The following CCDC88B variants were observed in gnomAD, a reference collection of about 807,000 sequenced individuals.
CCDC88B encodes coiled-coil domain-containing protein 88B.
A neutral mutation model predicts 183.7 loss-of-function variants in CCDC88B; 138 were observed. The observed-to-expected ratio is 0.75, with a 90% CI of 0.65 to 0.87. The LOEUF is 0.87. Ranked by LOEUF, CCDC88B falls within the 40% of genes least tolerant of loss-of-function variation. The pLI is 0.00. For synonymous variants in CCDC88B, 835 were observed against 867.5 expected, an observed-to-expected ratio of 0.96 and a Z score of 0.66; for missense variants, 1,822 against 1,965.6, an observed-to-expected ratio of 0.93 and a Z score of 1.38.
Position 64,349,466 on chromosome 11 carries a change from C to T in CCDC88B, c.2744+8C>T. 6 of 1,575,800 alleles carry T rather than the reference C, an allele frequency of 3.8e-6. No homozygotes were observed. Among genetic ancestry groups the T allele is most frequent in the Non-Finnish European group, 5.1e-6 (6 of 1,165,120 alleles). On this transcript the variant is annotated splice_region_variant and intron_variant, in intron 15 of 26. Coordinates refer to ENST00000356786, the MANE Select transcript of CCDC88B (RefSeq NM_032251.6). ...GGAAAGCCAGCACCAGAGGTGGGGA[C>T]AGGGCTGAGGGGAAGAATGAGGGAG... is the stretch of plus-strand genomic sequence containing the variant.
chr11:64,351,338 G>A, intron 17 of CCDC88B, 83 bp downstream of exon 17: 3 of 1,499,256 alleles, frequency 2.0e-6, no homozygotes, highest in South Asian at 1.3e-5. Flanking sequence ...GGGCTGGGGG[G>A]TATCCCGTGC....
intron 14 of CCDC88B, among the ~76,000 whole-genome samples, chr11:64,348,258 C>G (rs1338544431): frequency 7.0e-6 from 1 of 142,568 alleles, no homozygotes; most frequent in Non-Finnish European, 1.5e-5. Context: ...AAGCTAGGGA[C>G]AAAGGGGGAA....
chr11:64,355,327 TG>T lies in CCDC88B; in HGVS notation c.4237del (p.Asp1413ThrfsTer196). On this transcript the variant is annotated frameshift_variant, in exon 25 of 27. Transcript: ENST00000356786. LOFTEE classifies it high-confidence loss of function. ...GGCGAAGCTCTGAGTCATTCAGCCC[TG>T]GGGACACCCCTAGGCAACGATTCCG... is the stretch of plus-strand genomic sequence containing the variant. The part of the protein sequence containing the change: ...VGRSSESFSP[G>X]DTPRQRFRQR... 1.3e-6 allele frequency: 2 copies of T among 1,595,948 alleles called. No individual in the cohort carries two copies. The highest frequency in any genetic ancestry group is 1.8e-5 in the Admixed American group (1 of 56,614).
Position 64,342,063 on chromosome 11 carries a change from G to A in CCDC88B, c.745G>A (p.Ala249Thr), listed in dbSNP as rs1339994343. The A allele has an allele frequency of 6.2e-7, 1 of 1,611,766 alleles. No individual in the cohort carries two copies. The highest frequency in any genetic ancestry group is 1.3e-5 in the African/African-American group (1 of 74,846). The change falls in exon 8 of 27, where the codon GCC becomes ACC. Residue 249 changes from alanine (A) to threonine (T), a missense_variant. By Grantham distance (58) the Ala-to-Thr change is moderately conservative. Transcript: ENST00000356786. ...LRPEAPSRAP[A>T]EGPSHHLALQ... Reference sequence around the variant, plus strand: ...GCCTGAGGCTCCCTCTAGGGCTCCCGCCGAGGGCCCCTCGCACCATCTGGC... The same window carrying A: ...GCCTGAGGCTCCCTCTAGGGCTCCCACCGAGGGCCCCTCGCACCATCTGGC...
At chr11:64,354,574 C>T (rs2036466959) in intron 24 of CCDC88B, among the ~76,000 whole-genome samples, 1 of 151,894 alleles carries the variant, frequency 6.6e-6, no homozygotes, top group Non-Finnish European at 1.5e-5. Context: ...CACTCATTTG[C>T]CTGGCTTCTC....
In CCDC88B at chr11:64,345,108, A is replaced by G; in HGVS notation, c.2567A>G (p.His856Arg). 6.4e-7 allele frequency: 1 copy of G among 1,551,210 alleles called. No homozygotes were observed. Among genetic ancestry groups the G allele is most frequent in the Non-Finnish European group, 8.7e-7 (1 of 1,152,080 alleles). ...GTGCTGGAGAGCGAGGGCCGCCAGC[A>G]CTTGGAGGAGGCTGAGAGGGAGCGC... ...MQVLESEGRQ[H>R]LEEAERERRE... The change falls in exon 14 of 27, where the codon CAC becomes CGC. Residue 856 changes from histidine (H) to arginine (R), a missense_variant. Transcript: ENST00000356786.
intron 14 of CCDC88B, among the ~76,000 whole-genome samples, chr11:64,346,982 G>C (rs1411192335): frequency 6.6e-6 from 1 of 151,246 alleles, no homozygotes; most frequent in Admixed American, 6.6e-5. Context: ...TTTTAGTAGA[G>C]ACAGGGTTTC....
chr11:64,345,707 G>T (rs982173017), intron 14 of CCDC88B, among the ~76,000 whole-genome samples: 1 of 152,140 alleles, frequency 6.6e-6, no homozygotes, highest in Non-Finnish European at 1.5e-5. Context: ...AAAGACAAAG[G>T]CATTAAAGAC....
intron 7 of CCDC88B, 106 bp downstream of exon 7, chr11:64,341,848 TGGTCTG>T: frequency 1.4e-6 from 1 of 732,886 alleles, no homozygotes. Context: ...CATGGGGTTG[TGGTCTG>T]AGGTCTTGGG....
Position 64,342,694 on chromosome 11 carries a change from G to T in CCDC88B, c.1062+14G>T, listed in dbSNP as rs948555200. 3.3e-5 allele frequency: 49 copies of T among 1,463,666 alleles called. 1 individual carries two copies. The African/African-American group carries it at 5.3e-4, about 16-fold the overall frequency. The allele number at this position is 1,463,666 out of a possible 1,614,324, so 90.7% of individuals were successfully genotyped here. ...AGTCAGCTGGAGGTGAGGCGGAGAC[G>T]GAGCCGCGGGGCGGGGCGTGCGCGA... On this transcript the variant is annotated intron_variant, in intron 10 of 26. Coordinates refer to ENST00000356786, the MANE Select transcript of CCDC88B (RefSeq NM_032251.6).
Position 64,353,750 on chromosome 11 carries a change from A to G in CCDC88B, c.3869A>G (p.Lys1290Arg), listed in dbSNP as rs1193655254. 1.2e-6 allele frequency: 2 copies of G among 1,614,076 alleles called. No individual in the cohort carries two copies. The highest frequency in any genetic ancestry group is 1.7e-6 in the Non-Finnish European group (2 of 1,179,964). Residue 1290 changes from lysine to arginine, a missense_variant, in exon 23 of 27, where the codon AAG becomes AGG. By Grantham distance (26) the Lys-to-Arg change is conservative. Transcript: ENST00000356786. ...AATGCCCTGCGCCGCGAGAAGCAGAAGCTCGTGGAGAAGATCATGGACCAA... is the reference window on the plus strand; with the variant it reads ...AATGCCCTGCGCCGCGAGAAGCAGAGGCTCGTGGAGAAGATCATGGACCAA... ...QLNALRREKQKLVEKIMDQYR... is the reference protein window; with the variant it reads ...QLNALRREKQRLVEKIMDQYR...
chr11:64,345,369 G>A (rs2036069534), intron 14 of CCDC88B, among the ~76,000 whole-genome samples: 1 of 152,142 alleles, frequency 6.6e-6, no homozygotes, highest in Admixed American at 6.5e-5. Flanking sequence ...GTGGGAGGGG[G>A]TGGGACTGCC....
chr11:64,352,450 TCAG>T, intron 19 of CCDC88B, 64 bp downstream of exon 19: 2 of 1,471,870 alleles, frequency 1.4e-6, no homozygotes, highest in Non-Finnish European at 1.8e-6. Context: ...AAGACTCCCC[TCAG>T]CAGGTCTGAC....
At chr11:64,351,378 G>A (rs1415532795) in intron 17 of CCDC88B, 98 bp from the exon 18 acceptor site, 3 of 1,531,084 alleles carry the variant, frequency 2.0e-6, no homozygotes, top group African/African-American at 2.8e-5. Context: ...AGTGGGCCCG[G>A]GGGTGGGGGT....
At position 64,352,228 on chromosome 11, in the gene CCDC88B, G is replaced by A. The variant is rs140542549; in HGVS notation, c.3198G>A (p.Glu1066=). The A allele has an allele frequency of 3.1e-6, 5 of 1,609,980 alleles. No individual in the cohort carries two copies. Among genetic ancestry groups the A allele is most frequent in the Admixed American group, 3.4e-5 (2 of 59,698 alleles). The change falls in exon 19 of 27, where the codon GAG becomes GAA. Residue 1066 remains glutamate (E), a synonymous_variant. Transcript: ENST00000356786. ...EVRAARQSQE[E]TRGQQQALLR... ...GGGCGGCACGGCAGTCCCAGGAGGA[G>A]ACCCGCGGGCAGCAGCAGGCCCTGC...
At chr11:64,350,055 G>T in intron 16 of CCDC88B, 1 of 288,680 alleles carries the variant, frequency 3.5e-6, no homozygotes, top group Non-Finnish European at 6.8e-6. Context: ...ATCCCAGGCT[G>T]CCATCCTCAG....
At chr11:64,352,027 C>T (rs2135312457) in intron 18 of CCDC88B, 103 bp from the exon 19 acceptor site, 6 of 1,459,300 alleles carry the variant, frequency 4.1e-6, no homozygotes, top group East Asian at 2.3e-5. Flanking sequence ...ACAACTCTCT[C>T]ATTGTCTTGG....
At chr11:64,346,332 G>A (rs1320136064) in intron 14 of CCDC88B, among the ~76,000 whole-genome samples, 4 of 152,086 alleles carry the variant, frequency 2.6e-5, no homozygotes, top group Non-Finnish European at 4.4e-5. Flanking sequence ...GCAGTGGGGT[G>A]ATCTTGGTTC....
Position 64,353,060 on chromosome 11 carries a change from G to A in CCDC88B, c.3507G>A (p.Gln1169=). 1.9e-6 allele frequency: 3 copies of A among 1,600,728 alleles called. No homozygotes were observed. The highest frequency in any genetic ancestry group is 2.6e-6 in the Non-Finnish European group (3 of 1,174,222). ...GCTCTCCTTGCCTCCCAAGGGCTCA[G>A]ATGCTGCTGGCAGAGTTGTCTCGGG... ...RRLQSEHDRA[Q]MLLAELSRER... is the part of the protein sequence containing the mutation. Residue 1169 remains glutamine (Q), a synonymous_variant, in exon 21 of 27, where the codon CAG becomes CAA. Coordinates refer to ENST00000356786, the MANE Select transcript of CCDC88B (RefSeq NM_032251.6).
Sources: allele counts gnomAD v4.1 joint callset (sites outside exome capture counted in the v4.1 genomes callset), GRCh38; gene constraint gnomAD v4.1.1; transcripts MANE v1.5; gene names NCBI Gene and HGNC (gene_info 2026-07-23, HGNC 2026-07-21).